TRIL: variants seen among roughly 807,000 people sequenced by gnomAD.
TRIL encodes TLR4 interactor with leucine rich repeats.
TRIL carries 23 observed loss-of-function variants against 43.0 expected under a neutral mutation model. The observed-to-expected ratio is 0.54, with a 90% CI of 0.39 to 0.76. The LOEUF (loss-of-function observed/expected upper bound fraction) is 0.76. Among genes scored for constraint, TRIL ranks in the 30% least tolerant of loss-of-function variants. The pLI is 0.00. For missense variants in TRIL, 1,114 were observed against 1,139.3 expected (o/e 0.98, Z 0.32); for synonymous variants, 602 against 556.8 (o/e 1.08, Z -1.14).
In TRIL at chr7:28,955,585, T is replaced by C; in HGVS notation, c.*26A>G. ...CGGAGAGGCGGCTCCTTAGGGCCAA[T>C]GAGATGGTCTCTATATGCCCTGGAC... is the stretch of plus-strand genomic sequence containing the variant. On this transcript the variant is annotated 3_prime_UTR_variant, in exon 1 of 1. Transcript: ENST00000539664. 1 of 1,486,014 alleles carries C rather than the reference T, an allele frequency of 6.7e-7. No individual in the cohort carries two copies. The highest frequency in any genetic ancestry group is 1.3e-5 in the South Asian group (1 of 76,172). 92.1% of individuals were successfully genotyped at this position (1,486,014 alleles called of 1,614,324 possible).
Position 28,955,682 on chromosome 7 carries a change from C to G in TRIL, c.2365G>C (p.Asp789His), listed in dbSNP as rs931406399. The G allele has an allele frequency of 6.5e-7, 1 of 1,549,620 alleles. No individual in the cohort carries two copies. Among genetic ancestry groups the G allele is most frequent in the Admixed American group, 2.0e-5 (1 of 51,002 alleles). Reference sequence around the variant, plus strand: ...CCGCCCGCGCCGCCGCCCGCACTGTCCATGAAGCGGTCGCAGGGGAATTCG... The same window carrying G: ...CCGCCCGCGCCGCCGCCCGCACTGTGCATGAAGCGGTCGCAGGGGAATTCG... ...LIEFPCDRFM[D>H]SAGGGAGGSL... Residue 789 changes from aspartate to histidine, a missense_variant, in exon 1 of 1, where the codon GAC (aspartate) becomes CAC (histidine). Transcript: ENST00000539664.
In TRIL at chr7:28,956,654, C is replaced by T. The variant is rs760904841; in HGVS notation, c.1393G>A (p.Gly465Arg). ...QLQQQGRFLA[G>R]VAWDGAAREL... ...CTGGCGGCCCCATCCCAGGCCACCC[C>T]AGCTAGAAATCGCCCCTGCTGCTGG... Residue 465 changes from glycine (G) to arginine (R), a missense_variant, in exon 1 of 1, where the codon GGG (glycine) becomes AGG (arginine). Gly to Arg is a moderately radical substitution (Grantham distance 125). Coordinates refer to ENST00000539664, the MANE Select transcript of TRIL (RefSeq NM_014817.4). The T allele has an allele frequency of 1.3e-6, 2 of 1,573,802 alleles. No individual in the cohort carries two copies.
chr7:28,957,015 G>C lies in TRIL; in HGVS notation c.1032C>G (p.Ile344Met). The C allele has an allele frequency of 6.3e-7, 1 of 1,579,502 alleles. No homozygotes were observed. The highest frequency in any genetic ancestry group is 8.6e-7 in the Non-Finnish European group (1 of 1,164,460). Residue 344 changes from isoleucine (I) to methionine (M), a missense_variant, in exon 1 of 1, where the codon ATC becomes ATG. Ile to Met is a conservative substitution (Grantham distance 10). Transcript: ENST00000539664. ...NNALSALSGDIFAASPALYRL... is the reference protein window; with the variant it reads ...NNALSALSGDMFAASPALYRL... ...GATAAAGGGCTGGGCTGGCGGCGAA[G>C]ATGTCCCCGGATAGGGCGCTGAGCG...
At position 28,956,508 on chromosome 7, in the gene TRIL, C is replaced by T. The variant is rs954126555; in HGVS notation, c.1539G>A (p.Lys513=). Residue 513 remains lysine, a synonymous_variant, in exon 1 of 1, where the codon AAG becomes AAA. Coordinates refer to ENST00000539664, the MANE Select transcript of TRIL (RefSeq NM_014817.4). ...GAGTCGGACGGCCCCGCTGGGGCTT[C>T]TTGTGCAGGTCTAGGGACTGTGGAG... ...GPAPQSLDLH[K]KPQRGRPTRA... 6 of 1,577,890 alleles carry T rather than the reference C, an allele frequency of 3.8e-6. No individual in the cohort carries two copies. In the Admixed American group the frequency reaches 6.9e-5, roughly 18 times the overall value.
chr7:28,957,078 G>A lies in TRIL; in HGVS notation c.969C>T (p.His323=). Reference sequence around the variant, plus strand: ...GGCTGAGCTCGCGCAGCCGGCCCAGGTGGCCGAAGGTGGCCGGGTGCAGGG... The same window carrying A: ...GGCTGAGCTCGCGCAGCCGGCCCAGATGGCCGAAGGTGGCCGGGTGCAGGG... The part of the protein sequence containing the change: ...LSALHPATFG[H]LGRLRELSLR... Residue 323 remains histidine, a synonymous_variant, in exon 1 of 1, where the codon CAC becomes CAT. Coordinates refer to ENST00000539664, the MANE Select transcript of TRIL (RefSeq NM_014817.4). 6.4e-7 allele frequency: 1 copy of A among 1,570,564 alleles called. No individual in the cohort carries two copies. Among genetic ancestry groups the A allele is most frequent in the South Asian group, 1.2e-5 (1 of 86,254 alleles).
chr7:28,957,160 A>T lies in TRIL; in HGVS notation c.887T>A (p.Leu296Gln), dbSNP rs1178107263. The part of the protein sequence containing the change: ...GNRLSQLPTA[L>Q]LEPLHSLEAL... Reference sequence around the variant, plus strand: ...CTCCAGGCTGTGCAGAGGCTCCAGCAGCGCAGTTGGCAGCTGGCTCAGCCG... The same window carrying T: ...CTCCAGGCTGTGCAGAGGCTCCAGCTGCGCAGTTGGCAGCTGGCTCAGCCG... The change falls in exon 1 of 1, where the codon CTG becomes CAG. Residue 296 changes from leucine to glutamine, a missense_variant. Physicochemically the swap from Leu to Gln is moderately radical, Grantham distance 113. Coordinates refer to ENST00000539664, the MANE Select transcript of TRIL (RefSeq NM_014817.4). The T allele has an allele frequency of 6.3e-7, 1 of 1,591,258 alleles. No homozygotes were observed. The highest frequency in any genetic ancestry group is 1.3e-5 in the African/African-American group (1 of 74,650).
rs1465964096 is a variant in TRIL at position 28,955,746 on chromosome 7, T to A, written c.2301A>T (p.Pro767=). ...ADFSGFQSHR[P]RTTVCALSEA... ...CACTGAGCGCGCACACGGTGGTGCG[T>A]GGCCGGTGCGACTGGAATCCCGAGA... Residue 767 remains proline (P), a synonymous_variant, in exon 1 of 1, where the codon CCA becomes CCT. Transcript: ENST00000539664. The A allele has an allele frequency of 6.5e-7, 1 of 1,550,208 alleles. No homozygotes were observed. The highest frequency in any genetic ancestry group is 8.7e-7 in the Non-Finnish European group (1 of 1,146,892).
At position 28,955,927 on chromosome 7, in the gene TRIL, G is replaced by T. The variant is rs1360304698; in HGVS notation, c.2120C>A (p.Ala707Glu). The change falls in exon 1 of 1, where the codon GCG becomes GAG. Residue 707 changes from alanine to glutamate, a missense_variant. Physicochemically the swap from Ala to Glu is moderately radical, Grantham distance 107 (BLOSUM62 -1). Coordinates refer to ENST00000539664, the MANE Select transcript of TRIL (RefSeq NM_014817.4). ...LLTLALLTVN[A>E]LLVLLALAAW... ...CGCCAAGGCCAGGAGCACCAGCAGC[G>T]CGTTGACCGTCAGCAGGGCCAAGGT... The T allele has an allele frequency of 1.5e-5, 23 of 1,552,960 alleles. No individual in the cohort carries two copies. Among genetic ancestry groups the T allele is most frequent in the Non-Finnish European group, 1.6e-5 (18 of 1,150,784 alleles).
In TRIL at chr7:28,953,360, A is replaced by G. The variant is rs1266584342; in HGVS notation, c.*2251T>C. 1 of 152,722 alleles carries G rather than the reference A, an allele frequency of 6.5e-6. No homozygotes were observed. Among genetic ancestry groups the G allele is most frequent in the Non-Finnish European group, 1.5e-5 (1 of 68,056 alleles). The allele number at this position is 152,722 out of a possible 1,614,324, so 9.5% of individuals were successfully genotyped here. A position where few individuals can be genotyped will look rare whatever the true frequency, so the allele number is the denominator to read the frequency against. The stretch of plus-strand genomic sequence containing the variant: ...AAATATTTGGAAACTCCAACAAATT[A>G]TCTCTATTAGTGGGTTTATTGACAT... On this transcript the variant is annotated 3_prime_UTR_variant, in exon 1 of 1. Transcript: ENST00000539664.
At position 28,956,633 on chromosome 7, in the gene TRIL, C is replaced by A. The variant is rs763398738; in HGVS notation, c.1414G>T (p.Ala472Ser). Residue 472 changes from alanine (A) to serine (S), a missense_variant, in exon 1 of 1, where the codon GCC becomes TCC. Ala to Ser is a moderately conservative substitution (Grantham distance 99, BLOSUM62 1). Coordinates refer to ENST00000539664, the MANE Select transcript of TRIL (RefSeq NM_014817.4). Reference protein sequence around the residue: ...FLAGVAWDGAARELVGNRSAL... With the variant: ...FLAGVAWDGASRELVGNRSAL... ...CTGCGGTTGCCTACCAGCTCCCTGGCGGCCCCATCCCAGGCCACCCCAGCT... is the reference window on the plus strand; with the variant it reads ...CTGCGGTTGCCTACCAGCTCCCTGGAGGCCCCATCCCAGGCCACCCCAGCT... 6 of 1,563,628 alleles carry A rather than the reference C, an allele frequency of 3.8e-6. No homozygotes were observed. Among genetic ancestry groups the A allele is most frequent in the Non-Finnish European group, 4.3e-6 (5 of 1,158,398 alleles).
In TRIL at chr7:28,955,532, T is replaced by C; in HGVS notation, c.*79A>G. 1 of 1,436,420 alleles carries C rather than the reference T, an allele frequency of 7.0e-7. No homozygotes were observed. Among genetic ancestry groups the C allele is most frequent in the Non-Finnish European group, 9.1e-7 (1 of 1,097,600 alleles). The allele number at this position is 1,436,420 out of a possible 1,614,324, so 89.0% of individuals were successfully genotyped here. A position where few individuals can be genotyped will look rare whatever the true frequency, so the allele number is the denominator to read the frequency against. ...CTCTGGCAAGTGCACAAAACGGCAC[T>C]TCCCCTGAGGTGGGCTGGTGGGCCT... On this transcript the variant is annotated 3_prime_UTR_variant, in exon 1 of 1. Transcript: ENST00000539664.
chr7:28,958,079 T>C lies in TRIL; in HGVS notation c.-33A>G, dbSNP rs1487070509. On this transcript the variant is annotated 5_prime_UTR_variant, in exon 1 of 1. Coordinates refer to ENST00000539664, the MANE Select transcript of TRIL (RefSeq NM_014817.4). ...CGCCCTGCGTGCAGCGGCCGGATCGTCCTCTTGGCCCGCCGGCTCTGTGTC... is the reference window on the plus strand; with the variant it reads ...CGCCCTGCGTGCAGCGGCCGGATCGCCCTCTTGGCCCGCCGGCTCTGTGTC... The C allele has an allele frequency of 2.0e-6, 3 of 1,471,100 alleles. No homozygotes were observed. Among genetic ancestry groups the C allele is most frequent in the Non-Finnish European group, 2.7e-6 (3 of 1,116,446 alleles). 91.1% of individuals were successfully genotyped at this position (1,471,100 alleles called of 1,614,324 possible). A position where few individuals can be genotyped will look rare whatever the true frequency, so the allele number is the denominator to read the frequency against.
rs1242298429 is a variant in TRIL, at chr7:28,957,765, C to G, written c.282G>C (p.Gln94His). The G allele has an allele frequency of 6.2e-7, 1 of 1,613,840 alleles. No homozygotes were observed. Among genetic ancestry groups the G allele is most frequent in the East Asian group, 2.2e-5 (1 of 44,878 alleles). ...QLRRLDLQYNQIRSLHPKTFE... is the reference protein window; with the variant it reads ...QLRRLDLQYNHIRSLHPKTFE... ...AGGTCTTGGGGTGCAGAGAGCGGAT[C>G]TGGTTGTACTGCAGGTCCAGCCGTC... Residue 94 changes from glutamine to histidine, a missense_variant, in exon 1 of 1, where the codon CAG (glutamine) becomes CAC (histidine). Physicochemically the swap from Gln to His is conservative, Grantham distance 24. Coordinates refer to ENST00000539664, the MANE Select transcript of TRIL (RefSeq NM_014817.4).
chr7:28,955,249 A>G lies in TRIL; in HGVS notation c.*362T>C. 1 of 274,968 alleles carries G rather than the reference A, an allele frequency of 3.6e-6. No homozygotes were observed. The highest frequency in any genetic ancestry group is 6.8e-6 in the Non-Finnish European group (1 of 147,902). 17.0% of individuals were successfully genotyped at this position (274,968 alleles called of 1,614,324 possible). A position where few individuals can be genotyped will look rare whatever the true frequency, so the allele number is the denominator to read the frequency against. On this transcript the variant is annotated 3_prime_UTR_variant, in exon 1 of 1. Coordinates refer to ENST00000539664, the MANE Select transcript of TRIL (RefSeq NM_014817.4). ...GTTTGACACTGAGCAAACAAAAAGC[A>G]TGCACCCAAATATTTCTGGCCATGT...
At position 28,955,518 on chromosome 7, in the gene TRIL, G is replaced by A; in HGVS notation, c.*93C>T. 5.6e-6 allele frequency: 8 copies of A among 1,428,742 alleles called. No homozygotes were observed. The highest frequency in any genetic ancestry group is 7.3e-6 in the Non-Finnish European group (8 of 1,092,382). The allele number at this position is 1,428,742 out of a possible 1,614,324, so 88.5% of individuals were successfully genotyped here. On this transcript the variant is annotated 3_prime_UTR_variant, in exon 1 of 1. Transcript: ENST00000539664. ...GTCCCCACCGGCCTCTCTGGCAAGTGCACAAAACGGCACTTCCCCTGAGGT... is the reference window on the plus strand; with the variant it reads ...GTCCCCACCGGCCTCTCTGGCAAGTACACAAAACGGCACTTCCCCTGAGGT...
chr7:28,958,024 C>A lies in TRIL; in HGVS notation c.23G>T (p.Arg8Leu), dbSNP rs758768615. The A allele has an allele frequency of 6.4e-7, 1 of 1,569,054 alleles. No individual in the cohort carries two copies. Among genetic ancestry groups the A allele is most frequent in the Admixed American group, 1.8e-5 (1 of 54,806 alleles). The change falls in exon 1 of 1, where the codon CGC (arginine) becomes CTC (leucine). Residue 8 changes from arginine to leucine, a missense_variant. Coordinates refer to ENST00000539664, the MANE Select transcript of TRIL (RefSeq NM_014817.4). The stretch of plus-strand genomic sequence containing the variant: ...GCAGCCGCACACCACGAGCAGGAGG[C>A]GCAAGGCGCGGGCAGCCTCCATCGC... MEAARAL[R>L]LLLVVCGCLA...
Position 28,957,994 on chromosome 7 carries a change from G to T in TRIL, c.53C>A (p.Ala18Glu), listed in dbSNP as rs1362960626. The change falls in exon 1 of 1, where the codon GCG (alanine) becomes GAG (glutamate). Residue 18 changes from alanine (A) to glutamate (E), a missense_variant. Physicochemically the swap from Ala to Glu is moderately radical, Grantham distance 107. Coordinates refer to ENST00000539664, the MANE Select transcript of TRIL (RefSeq NM_014817.4). Reference sequence around the variant, plus strand: ...CACGGGCTCGGCCAGCGGCGGGAGCGCGAGGCAGCCGCACACCACGAGCAG... The same window carrying T: ...CACGGGCTCGGCCAGCGGCGGGAGCTCGAGGCAGCCGCACACCACGAGCAG... Reference protein sequence around the residue: ...RLLLVVCGCLALPPLAEPVCP... With the variant: ...RLLLVVCGCLELPPLAEPVCP... 2.5e-6 allele frequency: 4 copies of T among 1,597,710 alleles called. No individual in the cohort carries two copies. Among genetic ancestry groups the T allele is most frequent in the Non-Finnish European group, 3.4e-6 (4 of 1,177,894 alleles).
At position 28,956,893 on chromosome 7, in the gene TRIL, G is replaced by T. The variant is rs779257983; in HGVS notation, c.1154C>A (p.Thr385Asn). 3 of 1,609,390 alleles carry T rather than the reference G, an allele frequency of 1.9e-6. No homozygotes were observed. In the Admixed American group the frequency reaches 5.0e-5, roughly 27 times the overall value. Residue 385 changes from threonine (T) to asparagine (N), a missense_variant, in exon 1 of 1, where the codon ACT becomes AAT. Transcript: ENST00000539664. Reference protein sequence around the residue: ...GDWHSQGRLLTVFVQCRHPPA... With the variant: ...GDWHSQGRLLNVFVQCRHPPA... Reference sequence around the variant, plus strand: ...GGGGTGGCGACACTGCACGAAGACAGTGAGGAGCCGGCCCTGCGAGTGCCA... The same window carrying T: ...GGGGTGGCGACACTGCACGAAGACATTGAGGAGCCGGCCCTGCGAGTGCCA...
rs1273813984 is a variant in TRIL, at chr7:28,956,547, G to A, written c.1500C>T (p.Ala500=). ...GLQQPSPSVA[A]AAGPAPQSLD... ...GGGACTGTGGAGCCGGGCCCGCGGC[G>A]GCAGCGACGGAGGGGCTGGGCTGCT... The change falls in exon 1 of 1, where the codon GCC becomes GCT. Residue 500 remains alanine (A), a synonymous_variant. Coordinates refer to ENST00000539664, the MANE Select transcript of TRIL (RefSeq NM_014817.4). 2.3e-5 allele frequency: 35 copies of A among 1,555,054 alleles called. No individual in the cohort carries two copies. Among genetic ancestry groups the A allele is most frequent in the Non-Finnish European group, 3.0e-5 (35 of 1,159,038 alleles).
Sources: allele counts gnomAD v4.1 joint callset, GRCh38; gene constraint gnomAD v4.1.1; transcripts MANE v1.5; gene names NCBI Gene and HGNC (gene_info 2026-07-23, HGNC 2026-07-21).